ZC3H12B: variants seen among roughly 807,000 people sequenced by gnomAD.
ZC3H12B encodes zinc finger CCCH-type containing 12B, also known as probable ribonuclease ZC3H12B.
A neutral mutation model predicts 43.9 loss-of-function variants in ZC3H12B; 7 were observed. That is an observed-to-expected ratio of 0.16 (90% confidence interval 0.09 to 0.30). The LOEUF is 0.30. Ranked by LOEUF, ZC3H12B falls within the 10% of genes least tolerant of loss-of-function variation. The pLI is 1.00. For missense variants in ZC3H12B, 475 were observed against 670.2 expected, an observed-to-expected ratio of 0.71 and a Z score of 3.22; for synonymous variants, 222 against 241.7, an observed-to-expected ratio of 0.92 and a Z score of 0.76.
intron 2 of ZC3H12B, among the ~76,000 whole-genome samples, chrX:65,378,584 A>G (rs1004120328): frequency 8.9e-6 from 1 of 112,459 alleles, no homozygotes; most frequent in African/African-American, 3.2e-5. Context: ...ACACATCACA[A>G]AATGGCAGGA....
At chrX:65,117,440 T>C in the ZC3H12B span, among the ~76,000 whole-genome samples, 1 of 111,784 alleles carries the variant, frequency 8.9e-6, no homozygotes, top group Non-Finnish European at 1.9e-5. Context: ...GTTTAAGTTT[T>C]TTTGTAGAAT....
chrX:65,383,208 C>T (rs899258576), intron 2 of ZC3H12B, among the ~76,000 whole-genome samples: 11 of 112,028 alleles, frequency 9.8e-5, no homozygotes, highest in Non-Finnish European at 1.9e-4. Context: ...AACAATACTA[C>T]AAGGCTACAG....
At chrX:65,069,849 G>T in the ZC3H12B span, among the ~76,000 whole-genome samples, 1 of 111,518 alleles carries the variant, frequency 9.0e-6, no homozygotes, top group Non-Finnish European at 1.9e-5. Context: ...GATTCAGTTT[G>T]CCTGTATTTT....
At chrX:65,296,993 C>T in the ZC3H12B span, among the ~76,000 whole-genome samples, 1 of 111,448 alleles carries the variant, frequency 9.0e-6, no homozygotes, top group Non-Finnish European at 1.9e-5. Context: ...ATATAAGGGA[C>T]ATAGTTAAGG....
At chrX:65,248,033 G>A in the ZC3H12B span, among the ~76,000 whole-genome samples, 3 of 96,572 alleles carry the variant, frequency 3.1e-5, no homozygotes, top group Non-Finnish European at 5.7e-5. Context: ...AAATAGGCAA[G>A]ATTAGCCACG....
the ZC3H12B span, among the ~76,000 whole-genome samples, chrX:65,041,306 G>A: frequency 4.1e-4 from 46 of 111,778 alleles, no homozygotes; most frequent in African/African-American, 1.2e-3. Flanking sequence ...TATAGTAGTC[G>A]TGCTAAAAAT....
At chrX:65,362,636 A>T (rs2066119029), upstream of ZC3H12B, among the ~76,000 whole-genome samples, 2 of 109,912 alleles carry the variant, frequency 1.8e-5, no homozygotes, top group Admixed American at 1.9e-4. Flanking sequence ...AACCAATCAC[A>T]TTCCCATTAC....
chrX:65,423,940 G>T (rs1441141244), intron 3 of ZC3H12B, among the ~76,000 whole-genome samples: 1 of 111,819 alleles, frequency 8.9e-6, no homozygotes, highest in Non-Finnish European at 1.9e-5. Context: ...TTTGAGATGT[G>T]TTCCATTGAT....
the ZC3H12B span, among the ~76,000 whole-genome samples, chrX:65,295,411 C>T: frequency 1.8e-5 from 2 of 111,174 alleles, no homozygotes; most frequent in African/African-American, 6.5e-5. Flanking sequence ...AAAAGCAGTG[C>T]TAAGAGGAAC....
the ZC3H12B span, among the ~76,000 whole-genome samples, chrX:65,116,474 G>C: frequency 1.8e-5 from 2 of 111,536 alleles, no homozygotes; most frequent in South Asian, 7.5e-4. Flanking sequence ...TTTGAAGTCA[G>C]ATAATGTGTT....
At chrX:65,463,901 G>C (rs759323391) in intron 3 of ZC3H12B, among the ~76,000 whole-genome samples, 4 of 110,202 alleles carry the variant, frequency 3.6e-5, no homozygotes, top group African/African-American at 1.3e-4. Flanking sequence ...TCCCAGTTTT[G>C]CCAAGCTGTA....
chrX:65,331,788 C>A, the ZC3H12B span, among the ~76,000 whole-genome samples: 2 of 110,767 alleles, frequency 1.8e-5, no homozygotes, highest in African/African-American at 6.6e-5. Context: ...AGTGTTTCTT[C>A]CATTTTTAGA....
chrX:65,250,781 GTTGT>G, the ZC3H12B span, among the ~76,000 whole-genome samples: 1 of 111,694 alleles, frequency 9.0e-6, no homozygotes, highest in Non-Finnish European at 1.9e-5. Flanking sequence ...TGTTGATGGG[GTTGT>G]TTGTTTTTTT....
At chrX:65,440,479 G>C (rs2067287488) in intron 3 of ZC3H12B, among the ~76,000 whole-genome samples, 1 of 112,257 alleles carries the variant, frequency 8.9e-6, no homozygotes, top group South Asian at 3.7e-4. Context: ...TTGAGCTGAA[G>C]TATAGGATGT....
intron 3 of ZC3H12B, among the ~76,000 whole-genome samples, chrX:65,458,383 C>T (rs2067668942): frequency 9.0e-6 from 1 of 111,327 alleles, no homozygotes; most frequent in Admixed American, 9.6e-5. Flanking sequence ...CAGAACTCTC[C>T]ACCCCAAATC....
chrX:65,249,363 G>T, the ZC3H12B span, among the ~76,000 whole-genome samples: 1 of 111,396 alleles, frequency 9.0e-6, no homozygotes, highest in Admixed American at 9.6e-5. Flanking sequence ...TGTTTGCTTT[G>T]TCAAAGATCA....
chrX:65,169,147 T>C, the ZC3H12B span, among the ~76,000 whole-genome samples: 24 of 112,069 alleles, frequency 2.1e-4, no homozygotes, highest in Admixed American at 2.1e-3. Context: ...TTTTGATCTT[T>C]CCTGCTTTCT....
the ZC3H12B span, among the ~76,000 whole-genome samples, chrX:65,198,774 T>C: frequency 8.9e-6 from 1 of 111,944 alleles, no homozygotes; most frequent in Non-Finnish European, 1.9e-5. Context: ...TTATTATCCC[T>C]TTTAATAAAG....
chrX:65,507,438 A>G (rs1383718093), exon 5 of ZC3H12B: 1 of 112,379 alleles, frequency 8.9e-6, no homozygotes, highest in African/African-American at 3.2e-5. Context: ...AAAATAGTCA[A>G]TGCCTTTGTA....
Sources: allele counts gnomAD v4.1 joint callset (sites outside exome capture counted in the v4.1 genomes callset), GRCh38; gene constraint gnomAD v4.1.1; transcripts MANE v1.5; gene names NCBI Gene and HGNC (gene_info 2026-07-23, HGNC 2026-07-21).